Variants in JAM2 observed in about 807,000 individuals in gnomAD.
JAM2 encodes junctional adhesion molecule B.
Under a neutral mutation model 42.0 loss-of-function variants are expected in JAM2, and 17 were observed. That is an observed-to-expected ratio of 0.40 (90% CI 0.28 to 0.61). JAM2 has a LOEUF of 0.61. Ranked by LOEUF, JAM2 falls within the 20% of genes least tolerant of loss-of-function variation. The pLI, the probability that JAM2 is intolerant of heterozygous loss-of-function variation, is 0.37. For missense variants in JAM2, 319 were observed against 358.3 expected, an observed-to-expected ratio of 0.89 and a Z score of 0.89; for synonymous variants, 118 against 128.6, an observed-to-expected ratio of 0.92 and a Z score of 0.56.
At chr21:25,685,070 A>T (rs1420469547) in intron 2 of JAM2, among the ~76,000 whole-genome samples, 1 of 152,174 alleles carries the variant, frequency 6.6e-6, no homozygotes. Flanking sequence ...CTGATCTCTC[A>T]TCATCAGGTA....
At chr21:25,693,626 T>C in intron 3 of JAM2, 130 bp from the exon 4 acceptor site, 1 of 778,668 alleles carries the variant, frequency 1.3e-6, no homozygotes, top group Non-Finnish European at 2.0e-6. Context: ...ATACAACTTT[T>C]AGGCTTTAAA....
In JAM2 at chr21:25,709,095, T is replaced by C. The variant is rs1374563308; in HGVS notation, c.806-339T>C. Reference sequence around the variant, plus strand: ...GAAATGTTATCTTCCCCAAAAGCATTCCATTTCTCTAACTAGTAGGCCTGT... The same window carrying C: ...GAAATGTTATCTTCCCCAAAAGCATCCCATTTCTCTAACTAGTAGGCCTGT... On this transcript the variant is annotated intron_variant, in intron 7 of 9. Coordinates refer to ENST00000480456, the MANE Select transcript of JAM2 (RefSeq NM_021219.4). Among the ~76,000 whole-genome samples, 3 of 152,010 alleles carry C rather than the reference T, an allele frequency of 2.0e-5. No individual in the cohort carries two copies. The East Asian group carries it at 5.8e-4, about 29-fold the overall frequency.
chr21:25,666,540 T>C (rs1414321484), intron 1 of JAM2, among the ~76,000 whole-genome samples: 2 of 151,874 alleles, frequency 1.3e-5, no homozygotes, highest in Admixed American at 6.6e-5. Context: ...GGCCAGGCTA[T>C]TTTTTTATTT....
intron 1 of JAM2, among the ~76,000 whole-genome samples, chr21:25,660,026 T>C (rs1252706065): frequency 1.7e-4 from 26 of 152,170 alleles, no homozygotes; most frequent in Admixed American, 1.7e-3. Context: ...CAAGCAACTC[T>C]CCTGCCTCAG....
chr21:25,712,258 G>A, intron 8 of JAM2, 82 bp from the exon 9 acceptor site: 1 of 952,608 alleles, frequency 1.0e-6, no homozygotes. Context: ...ATGTATGGAA[G>A]TAAAATTAAC....
In JAM2 at chr21:25,717,049, G is replaced by C. The variant is rs1005062076; in HGVS notation, c.*2377G>C. On this transcript the variant is annotated 3_prime_UTR_variant, in exon 10 of 10. Coordinates refer to ENST00000480456, the MANE Select transcript of JAM2 (RefSeq NM_021219.4). Reference sequence around the variant, plus strand: ...TCTTTTTAAGACATCAAAGGCTAGAGGATTCATTTTATGCAGTGCGAACAT... The same window carrying C: ...TCTTTTTAAGACATCAAAGGCTAGACGATTCATTTTATGCAGTGCGAACAT... 2.0e-5 allele frequency: 3 copies of C among 152,202 alleles called. No homozygotes were observed. The highest frequency in any genetic ancestry group is 7.2e-5 in the African/African-American group (3 of 41,454). The allele number at this position is 152,202 out of a possible 1,614,324, so 9.4% of individuals were successfully genotyped here.
intron 2 of JAM2, among the ~76,000 whole-genome samples, chr21:25,684,412 G>A (rs1331421865): frequency 2.0e-5 from 3 of 152,124 alleles, no homozygotes; most frequent in Non-Finnish European, 4.4e-5. Flanking sequence ...TTTCTGTTTT[G>A]CAAGATAAAA....
chr21:25,676,516 C>A (rs1601022405), intron 1 of JAM2, among the ~76,000 whole-genome samples: 1 of 152,004 alleles, frequency 6.6e-6, no homozygotes, highest in African/African-American at 2.4e-5. Context: ...AAAAGAAACA[C>A]AAAAGGTTTC....
intron 7 of JAM2, among the ~76,000 whole-genome samples, chr21:25,706,797 T>C (rs2123412823): frequency 6.6e-6 from 1 of 152,296 alleles, no homozygotes; most frequent in South Asian, 2.1e-4. Flanking sequence ...TGGAGTGCAG[T>C]AGCGCAATTT....
At position 25,639,534 on chromosome 21, in the gene JAM2, C is replaced by A; in HGVS notation, c.-288C>A. 2.9e-6 allele frequency: 1 copy of A among 339,932 alleles called. No individual in the cohort carries two copies. The highest frequency in any genetic ancestry group is 5.3e-6 in the Non-Finnish European group (1 of 189,004). 21.1% of individuals were successfully genotyped at this position (339,932 alleles called of 1,614,324 possible). A position where few individuals can be genotyped will look rare whatever the true frequency, so the allele number is the denominator to read the frequency against. ...CTCCTGCTGCCCCCTCGCTAGGACC[C>A]GGCGGACGCCTCGTCTGGTTTTCAC... On this transcript the variant is annotated 5_prime_UTR_variant, in exon 1 of 10. Coordinates refer to ENST00000480456, the MANE Select transcript of JAM2 (RefSeq NM_021219.4).
At chr21:25,669,703 GC>G (rs1161997740) in intron 1 of JAM2, among the ~76,000 whole-genome samples, 5 of 152,192 alleles carry the variant, frequency 3.3e-5, no homozygotes, top group African/African-American at 9.7e-5. Context: ...AGGTGACGTG[GC>G]TAGTAATTCA....
At position 25,698,722 on chromosome 21, in the gene JAM2, G is replaced by A; in HGVS notation, c.440G>A (p.Ser147Asn). The change falls in exon 5 of 10, where the codon AGT becomes AAT. Residue 147 changes from serine (S) to asparagine (N), a missense_variant. Physicochemically the swap from Ser to Asn is conservative, Grantham distance 46. Transcript: ENST00000480456. ...TGTGAAGTACCCTCTTCTGCTCTGA[G>A]TGGAACTGTGGTAGAGCTACGATGT... ...PSCEVPSSAL[S>N]GTVVELRCQD... 5.0e-6 allele frequency: 8 copies of A among 1,614,180 alleles called. No homozygotes were observed. The highest frequency in any genetic ancestry group is 6.8e-6 in the Non-Finnish European group (8 of 1,180,012).
Position 25,665,717 on chromosome 21 carries a change from T to C in JAM2, c.68-18166T>C, listed in dbSNP as rs545301512. 3.9e-5 allele frequency among the ~76,000 whole-genome samples: 6 copies of C among 152,150 alleles called. No individual in the cohort carries two copies. The East Asian group carries it at 9.7e-4, about 24-fold the overall frequency. ...TTGACCGGATGAGACCCACCAACATTACGGAGGGCAACATGCTTTACCGAT... is the reference window on the plus strand; with the variant it reads ...TTGACCGGATGAGACCCACCAACATCACGGAGGGCAACATGCTTTACCGAT... On this transcript the variant is annotated intron_variant, in intron 1 of 9. Coordinates refer to ENST00000480456, the MANE Select transcript of JAM2 (RefSeq NM_021219.4).
rs528315076 is a variant in JAM2, at chr21:25,657,658, T to C, written c.67+17770T>C. 5.4e-4 allele frequency among the ~76,000 whole-genome samples: 83 copies of C among 152,340 alleles called. No homozygotes were observed. In the Middle Eastern group the frequency reaches 0.017, roughly 31 times the overall value. On this transcript the variant is annotated intron_variant, in intron 1 of 9. Transcript: ENST00000480456. ...GTCAGTTCTGCCCTTAGTAATCATA[T>C]GGTTTTAGAAAAGCTACCTTATTGT...
chr21:25,677,379 T>A (rs1178078669), intron 1 of JAM2, among the ~76,000 whole-genome samples: 1 of 152,202 alleles, frequency 6.6e-6, no homozygotes, highest in Non-Finnish European at 1.5e-5. Flanking sequence ...ACATAAAAAA[T>A]GTACAAGGGA....
In JAM2 at chr21:25,645,160, C is replaced by T. The variant is rs140108166; in HGVS notation, c.67+5272C>T. 5.3e-5 allele frequency among the ~76,000 whole-genome samples: 8 copies of T among 152,286 alleles called. No individual in the cohort carries two copies. The East Asian group carries it at 7.7e-4, about 15-fold the overall frequency. ...CTTCCCAAAGTGCTGGGATTACAGG[C>T]GTGAGCCACCGCGCCTGGCCTAAAG... On this transcript the variant is annotated intron_variant, in intron 1 of 9. Coordinates refer to ENST00000480456, the MANE Select transcript of JAM2 (RefSeq NM_021219.4).
chr21:25,695,848 G>C, intron 4 of JAM2, among the ~76,000 whole-genome samples: 1 of 151,084 alleles, frequency 6.6e-6, no homozygotes, highest in Middle Eastern at 3.2e-3. Flanking sequence ...GGGCAGAGGC[G>C]CTTCCCACAT....
At chr21:25,646,160 A>G (rs1430141160) in intron 1 of JAM2, among the ~76,000 whole-genome samples, 1 of 152,248 alleles carries the variant, frequency 6.6e-6, no homozygotes, top group Non-Finnish European at 1.5e-5. Context: ...TTTCAGCTCC[A>G]TTATAATCTG....
chr21:25,681,577 G>C (rs921889124), intron 1 of JAM2, among the ~76,000 whole-genome samples: 1 of 152,214 alleles, frequency 6.6e-6, no homozygotes. Context: ...GATGAGATTT[G>C]AGTGGGGACA....
Sources: allele counts gnomAD v4.1 joint callset (sites outside exome capture counted in the v4.1 genomes callset), GRCh38; gene constraint gnomAD v4.1.1; transcripts MANE v1.5; gene names NCBI Gene and HGNC (gene_info 2026-07-23, HGNC 2026-07-21).